Variants in TXNDC11 observed in about 807,000 individuals in gnomAD.
TXNDC11 encodes thioredoxin domain containing 11, also known as thioredoxin domain-containing protein 11.
A neutral mutation model predicts 78.0 loss-of-function variants in TXNDC11; 68 were observed. The ratio of observed to expected loss-of-function variants is 0.87; its 90% CI spans 0.72 to 1.07. The LOEUF (loss-of-function observed/expected upper bound fraction) is 1.07. Among genes scored for constraint, TXNDC11 ranks in the 50% least tolerant of loss-of-function variants. TXNDC11 has a pLI of 0.00. For missense variants in TXNDC11, 1,389 were observed against 1,221.8 expected (o/e 1.14, Z -2.04); for synonymous variants, 571 against 495.2 (o/e 1.15, Z -2.03).
chr16:11,713,662 C>T (rs181621832), intron 5 of TXNDC11, among the ~76,000 whole-genome samples: 2,094 of 152,186 alleles, frequency 0.014, 51 homozygotes, highest in African/African-American at 0.048. Flanking sequence ...GTGATCCATG[C>T]GCCTTGGCCT....
Position 11,742,828 on chromosome 16 carries a change from C to A in TXNDC11, c.-98G>T, listed in dbSNP as rs2052452350. The A allele has an allele frequency of 1.5e-6, 2 of 1,361,674 alleles. No individual in the cohort carries two copies. The highest frequency in any genetic ancestry group is 3.8e-5 in the South Asian group (2 of 52,542). 84.3% of individuals were successfully genotyped at this position (1,361,674 alleles called of 1,614,324 possible). A position where few individuals can be genotyped will look rare whatever the true frequency, so the allele number is the denominator to read the frequency against. The stretch of plus-strand genomic sequence containing the variant: ...TCCCCAATCCCGCAGCTCGCCGCAC[C>A]CGCTAACCCGGACGCTCCACGTCAG... On this transcript the variant is annotated 5_prime_UTR_variant, in exon 1 of 12. Transcript: ENST00000283033.
At position 11,736,184 on chromosome 16, in the gene TXNDC11, A is replaced by T; in HGVS notation, c.304T>A (p.Ser102Thr). The change falls in exon 2 of 12, where the codon TCC (serine) becomes ACC (threonine). Residue 102 changes from serine to threonine, a missense_variant. Coordinates refer to ENST00000283033, the MANE Select transcript of TXNDC11 (RefSeq NM_015914.7). ...AGGTCAAGGACTGGAGACCTCAAGG[A>T]GAAAAAGCTGACAGGTGGCTTTGCT... ...IPAKPPVSFF[S>T]LRSPVLDLFQ... 6.2e-7 allele frequency: 1 copy of T among 1,614,134 alleles called. No homozygotes were observed. Among genetic ancestry groups the T allele is most frequent in the Non-Finnish European group, 8.5e-7 (1 of 1,179,970 alleles).
At chr16:11,709,123 T>C (rs148439891) in intron 5 of TXNDC11, among the ~76,000 whole-genome samples, 218 of 152,294 alleles carry the variant, frequency 1.4e-3, no homozygotes, top group African/African-American at 4.8e-3. Context: ...CAGTGAAATG[T>C]GCATAGTTTC....
intron 2 of TXNDC11, among the ~76,000 whole-genome samples, chr16:11,734,594 C>CATT (rs1374455910): frequency 1.3e-5 from 2 of 152,156 alleles, no homozygotes; most frequent in African/African-American, 4.8e-5. Context: ...ACCAGAATAT[C>CATT]ATTATTATTA....
chr16:11,691,526 T>C lies in TXNDC11; in HGVS notation c.1664A>G (p.Asn555Ser). 6.2e-7 allele frequency: 1 copy of C among 1,614,138 alleles called. No homozygotes were observed. Among genetic ancestry groups the C allele is most frequent in the Non-Finnish European group, 8.5e-7 (1 of 1,179,958 alleles). ...APSSVPHIEE[N>S]RYLFPEVDMT... ...GTCCACTTCTGGAAAGAGATACCTG[T>C]TCTCCTCAATGTGAGGAACGGAGCT... Residue 555 changes from asparagine (N) to serine (S), a missense_variant, in exon 8 of 12, where the codon AAC becomes AGC. Coordinates refer to ENST00000283033, the MANE Select transcript of TXNDC11 (RefSeq NM_015914.7).
intron 5 of TXNDC11, among the ~76,000 whole-genome samples, chr16:11,716,747 G>T (rs984545360): frequency 3.9e-5 from 6 of 151,958 alleles, no homozygotes; most frequent in African/African-American, 1.2e-4. Context: ...CCAGCCAAAG[G>T]CACGGATGGA....
chr16:11,679,482 C>T lies in TXNDC11; in HGVS notation c.2590G>A (p.Glu864Lys). 1 of 1,613,610 alleles carries T rather than the reference C, an allele frequency of 6.2e-7. No homozygotes were observed. Among genetic ancestry groups the T allele is most frequent in the Non-Finnish European group, 8.5e-7 (1 of 1,180,020 alleles). ...TCCTGCAGCTCACGTGTCTTCTGCT[C>T]ATAGAGGGCCTGCAGCTGCTCACTG... ...AHSEQLQALY[E>K]QKTRELQELA... Residue 864 changes from glutamate to lysine, a missense_variant, in exon 12 of 12, where the codon GAG (glutamate) becomes AAG (lysine). Glu to Lys is a moderately conservative substitution (Grantham distance 56, BLOSUM62 1). Transcript: ENST00000283033. This position sits in a 1 kb window ranked among gnomAD's most constrained non-coding sequence, Gnocchi z 4.6.
intron 5 of TXNDC11, among the ~76,000 whole-genome samples, chr16:11,705,384 T>C (rs2051153126): frequency 6.6e-6 from 1 of 152,202 alleles, no homozygotes; most frequent in Non-Finnish European, 1.5e-5. Context: ...GGCATATAAG[T>C]CCAGATCCCA....
chr16:11,718,500 A>T (rs1230552662), intron 5 of TXNDC11, among the ~76,000 whole-genome samples: 6 of 151,648 alleles, frequency 4.0e-5, no homozygotes, highest in African/African-American at 1.2e-4. Context: ...TTTTTTTTTT[A>T]AATGTGCATG....
intron 5 of TXNDC11, among the ~76,000 whole-genome samples, chr16:11,713,109 G>C (rs1275057822): frequency 1.7e-5 from 1 of 60,116 alleles, no homozygotes; most frequent in African/African-American, 4.9e-5. Flanking sequence ...CTCTGTCTCA[G>C]GAAAAAAAAA....
chr16:11,737,970 C>T (rs1419606857), intron 1 of TXNDC11, among the ~76,000 whole-genome samples: 1 of 150,038 alleles, frequency 6.7e-6, no homozygotes, highest in Non-Finnish European at 1.5e-5. Context: ...AATATAAAGA[C>T]ACAGGATAAA....
chr16:11,711,695 T>C (rs1302992662), intron 5 of TXNDC11, among the ~76,000 whole-genome samples: 1 of 152,372 alleles, frequency 6.6e-6, no homozygotes, highest in Non-Finnish European at 1.5e-5. Context: ...GCCATGTATA[T>C]AACCTATTCG....
In TXNDC11 at chr16:11,679,109, A is replaced by G; in HGVS notation, c.*86T>C. 1.4e-6 allele frequency: 2 copies of G among 1,398,072 alleles called. No homozygotes were observed. The highest frequency in any genetic ancestry group is 1.9e-6 in the Non-Finnish European group (2 of 1,029,488). The allele number at this position is 1,398,072 out of a possible 1,614,324, so 86.6% of individuals were successfully genotyped here. On this transcript the variant is annotated 3_prime_UTR_variant, in exon 12 of 12. Coordinates refer to ENST00000283033, the MANE Select transcript of TXNDC11 (RefSeq NM_015914.7). The surrounding 1 kb of genome is among the most constrained non-coding windows in gnomAD (Gnocchi z 4.6). ...TTTCTAGACCACTGAGAAAATCTTTATTTACAATAAATTTCAATAAAATTT... is the reference window on the plus strand; with the variant it reads ...TTTCTAGACCACTGAGAAAATCTTTGTTTACAATAAATTTCAATAAAATTT...
chr16:11,685,462 G>A (rs34340800), intron 10 of TXNDC11, among the ~76,000 whole-genome samples: 50,867 of 151,908 alleles, frequency 0.33, 10,695 homozygotes, highest in Non-Finnish European at 0.47. Context: ...TGGCTAACGC[G>A]GTGAAACGCC....
intron 1 of TXNDC11, among the ~76,000 whole-genome samples, chr16:11,741,000 T>C (rs1335313026): frequency 8.1e-6 from 1 of 122,718 alleles, no homozygotes; most frequent in African/African-American, 3.0e-5. Context: ...GTGCTACTGG[T>C]ATCTAGTGGG....
chr16:11,733,886 T>G (rs1047769630), intron 3 of TXNDC11, 96 bp downstream of exon 3: 1 of 813,852 alleles, frequency 1.2e-6, no homozygotes, highest in African/African-American at 1.8e-5. Context: ...TTTTCTATAG[T>G]GAATATCTAA....
chr16:11,688,247 G>A (rs1413791264), intron 9 of TXNDC11, 56 bp downstream of exon 9: 15 of 1,583,450 alleles, frequency 9.5e-6, no homozygotes, highest in Non-Finnish European at 1.3e-5. Flanking sequence ...ACTGTAGTTT[G>A]GAAATTATTT....
intron 5 of TXNDC11, among the ~76,000 whole-genome samples, chr16:11,712,237 T>C (rs560048780): frequency 6.6e-6 from 1 of 152,196 alleles, no homozygotes; most frequent in Non-Finnish European, 1.5e-5. Flanking sequence ...AAAATCTCTC[T>C]AAATGAACAC....
At chr16:11,740,083 C>T (rs2052347464) in intron 1 of TXNDC11, among the ~76,000 whole-genome samples, 1 of 150,734 alleles carries the variant, frequency 6.6e-6, no homozygotes, top group Non-Finnish European at 1.5e-5. Flanking sequence ...ATCCCAGCTA[C>T]TCAGGAGGCT....
Sources: allele counts gnomAD v4.1 joint callset (sites outside exome capture counted in the v4.1 genomes callset), GRCh38; gene constraint gnomAD v4.1.1; non-coding constraint Gnocchi (gnomAD v3.1); transcripts MANE v1.5; gene names NCBI Gene and HGNC (gene_info 2026-07-23, HGNC 2026-07-21).